INSL3: variants seen among roughly 807,000 people sequenced by gnomAD.
INSL3 encodes insulin-like 3.
A neutral mutation model predicts 5.5 loss-of-function variants in INSL3; 6 were observed. The ratio of observed to expected loss-of-function variants is 1.08; its 90% CI spans 0.59 to 2.14. INSL3 has a LOEUF of 2.14. Among genes scored for constraint, INSL3 ranks in the 30% most tolerant of loss-of-function variants. The pLI is 0.00. For synonymous variants in INSL3, 86 were observed against 82.1 expected (o/e 1.05, Z -0.26); for missense variants, 178 against 184.7 (o/e 0.96, Z 0.21).
rs1177487301 is a variant in INSL3 at position 17,821,462 on chromosome 19, A to G, written c.45T>C (p.Pro15=). 2.6e-6 allele frequency: 4 copies of G among 1,528,152 alleles called. No individual in the cohort carries two copies. Among genetic ancestry groups the G allele is most frequent in the Non-Finnish European group, 3.5e-6 (4 of 1,133,138 alleles). The allele number at this position is 1,528,152 out of a possible 1,614,324, so 94.7% of individuals were successfully genotyped here. ...CGGGGCCCAACGCGAACACCAGGGC[A>G]GGGCCCAGCAGCACCAGCGCCCAGG... ...LPAWALVLLG[P]ALVFALGPAP... Residue 15 remains proline (P), a synonymous_variant, in exon 1 of 2, where the codon CCT becomes CCC. Transcript: ENST00000317306.
At chr19:17,820,302 TA>T in intron 1 of INSL3, 1 of 333,686 alleles carries the variant, frequency 3.0e-6, no homozygotes, top group Admixed American at 4.5e-5. Context: ...TAAATAAAAA[TA>T]AAATAATAAA....
At chr19:17,817,880 A>G (rs186392318) in intron 1 of INSL3, among the ~76,000 whole-genome samples, 4 of 149,426 alleles carry the variant, frequency 2.7e-5, no homozygotes, top group African/African-American at 7.4e-5. Context: ...CATCCACTCA[A>G]CTCATGTCCA....
In INSL3 at chr19:17,816,914, T is replaced by C; in HGVS notation, c.336A>G (p.Ala112=). 1.9e-6 allele frequency: 3 copies of C among 1,614,052 alleles called. No individual in the cohort carries two copies. The South Asian group carries it at 3.3e-5, about 18-fold the overall frequency. The change falls in exon 2 of 2, where the codon GCA becomes GCG. Residue 112 remains alanine (A), a synonymous_variant. Transcript: ENST00000317306. ...RHHRAAATNP[A]RYCCLSGCTQ... ...TACAGCCACTGAGGCAGCAGTAGCG[T>C]GCAGGGTTGGTGGCAGCTGCACGGT... is the stretch of plus-strand genomic sequence containing the variant.
chr19:17,817,795 C>CAAAAAA (rs58956953), intron 1 of INSL3, among the ~76,000 whole-genome samples: 2,705 of 40,310 alleles, frequency 0.067, 524 homozygotes, highest in Non-Finnish European at 0.076. Flanking sequence ...AACTCCATCT[C>CAAAAAA]AAAAAAAAAA....
At chr19:17,820,203 G>T (rs1320152844) in intron 1 of INSL3, among the ~76,000 whole-genome samples, 2 of 152,154 alleles carry the variant, frequency 1.3e-5, no homozygotes, top group Non-Finnish European at 2.9e-5. Flanking sequence ...AAAATTGCTG[G>T]AACCCGGGAG....
At chr19:17,817,101 G>T in intron 1 of INSL3, 42 bp from the exon 2 acceptor site, 1 of 1,573,656 alleles carries the variant, frequency 6.4e-7, no homozygotes, top group Non-Finnish European at 8.6e-7. Flanking sequence ...AAACGACAGA[G>T]GACATGCTAC....
intron 1 of INSL3, 125 bp downstream of exon 1, chr19:17,821,192 C>T: frequency 2.7e-6 from 3 of 1,128,334 alleles, no homozygotes; most frequent in South Asian, 1.3e-5. Flanking sequence ...TGCACGCAGC[C>T]GGCAGGTGAG....
intron 1 of INSL3, chr19:17,820,494 C>G: frequency 3.6e-6 from 1 of 279,480 alleles, no homozygotes. Flanking sequence ...TCCCTCTCTA[C>G]GAAAAAGAAA....
chr19:17,820,907 G>A (rs1599858154), intron 1 of INSL3, among the ~76,000 whole-genome samples: 2 of 151,422 alleles, frequency 1.3e-5, no homozygotes, highest in South Asian at 2.1e-4. Context: ...TCTGCCTTCC[G>A]GGTTCAAGCG....
At position 17,821,326 on chromosome 19, in the gene INSL3, C is replaced by CG; in HGVS notation, c.180dup (p.Gly61ArgfsTer5). On this transcript the variant is annotated frameshift_variant, in exon 1 of 2. Transcript: ENST00000317306. LOFTEE classifies it low-confidence loss of function (END_TRUNC). ...GCCCGTCCCCACTCACGGTCGCCTC[C>CG]GGTCGCAGGCCTCCTGGCTTCGGTG... 2.6e-6 allele frequency: 4 copies of CG among 1,547,510 alleles called. No homozygotes were observed. The highest frequency in any genetic ancestry group is 3.5e-6 in the Non-Finnish European group (4 of 1,146,746).
At chr19:17,819,031 C>T (rs925692304) in intron 1 of INSL3, among the ~76,000 whole-genome samples, 1 of 151,530 alleles carries the variant, frequency 6.6e-6, no homozygotes, top group Non-Finnish European at 1.5e-5. Context: ...TGCGCCACAA[C>T]GCCCGGCTAA....
At chr19:17,821,260 C>T in intron 1 of INSL3, 57 bp downstream of exon 1, 1 of 1,527,982 alleles carries the variant, frequency 6.5e-7, no homozygotes, top group Non-Finnish European at 8.8e-7. Flanking sequence ...TCTGCGCCTA[C>T]GTGCACCTGC....
intron 1 of INSL3, chr19:17,820,400 C>G: frequency 2.5e-6 from 1 of 407,126 alleles, no homozygotes; most frequent in Non-Finnish European, 4.8e-6. Context: ...ACTCACATCG[C>G]TAATCCCAAC....
chr19:17,819,199 A>C (rs2147662302), intron 1 of INSL3, among the ~76,000 whole-genome samples: 2 of 150,030 alleles, frequency 1.3e-5, no homozygotes, highest in Non-Finnish European at 3.0e-5. Flanking sequence ...ACGCCACTGC[A>C]CTCCAGCCTG....
At chr19:17,818,621 A>T (rs1164999453) in intron 1 of INSL3, among the ~76,000 whole-genome samples, 1 of 151,980 alleles carries the variant, frequency 6.6e-6, no homozygotes, top group African/African-American at 2.4e-5. Flanking sequence ...CTCAAAAGAA[A>T]AAAAAAAGGA....
In INSL3 at chr19:17,821,398, G is replaced by T; in HGVS notation, c.109C>A (p.His37Asn). The T allele has an allele frequency of 1.9e-6, 3 of 1,548,276 alleles. No homozygotes were observed. Among genetic ancestry groups the T allele is most frequent in the Non-Finnish European group, 1.7e-6 (2 of 1,145,686 alleles). Residue 37 changes from histidine (H) to asparagine (N), a missense_variant, in exon 1 of 2, where the codon CAC becomes AAC. Coordinates refer to ENST00000317306, the MANE Select transcript of INSL3 (RefSeq NM_005543.4). Reference sequence around the variant, plus strand: ...ACGCGCACTAGCGCGCGTACGAAGTGGTGGCCGCACAACTTCTCACGCATC... The same window carrying T: ...ACGCGCACTAGCGCGCGTACGAAGTTGTGGCCGCACAACTTCTCACGCATC... Reference protein sequence around the residue: ...PEMREKLCGHHFVRALVRVCG... With the variant: ...PEMREKLCGHNFVRALVRVCG...
intron 1 of INSL3, 58 bp downstream of exon 1, chr19:17,821,259 A>G (rs2147663859): frequency 2.0e-6 from 3 of 1,525,890 alleles, no homozygotes; most frequent in Non-Finnish European, 2.6e-6. Flanking sequence ...ATCTGCGCCT[A>G]CGTGCACCTG....
Position 17,816,769 on chromosome 19 carries a change from C to A in INSL3, c.*85G>T. ...TAATCAAAGGCCTGTAGATGCGAGA[C>A]TTTATGGTGCTGTGTGGCCTCAGGA... On this transcript the variant is annotated 3_prime_UTR_variant, in exon 2 of 2. Transcript: ENST00000317306. 1.5e-6 allele frequency: 2 copies of A among 1,356,490 alleles called. No individual in the cohort carries two copies. Among genetic ancestry groups the A allele is most frequent in the Admixed American group, 1.7e-5 (1 of 57,752 alleles). The allele number at this position is 1,356,490 out of a possible 1,614,324, so 84.0% of individuals were successfully genotyped here. A position where few individuals can be genotyped will look rare whatever the true frequency, so the allele number is the denominator to read the frequency against.
intron 1 of INSL3, among the ~76,000 whole-genome samples, chr19:17,820,815 CT>C (rs11339511): frequency 0.66 from 83,970 of 127,688 alleles, 27,068 homozygotes; most frequent in African/African-American, 0.77. Flanking sequence ...TGAGGACTTT[CT>C]TTTTTTTTTT....
Sources: allele counts gnomAD v4.1 joint callset (sites outside exome capture counted in the v4.1 genomes callset), GRCh38; gene constraint gnomAD v4.1.1; transcripts MANE v1.5; gene names NCBI Gene and HGNC (gene_info 2026-07-23, HGNC 2026-07-21).